Variants in DPH1 observed in about 807,000 individuals in gnomAD.
DPH1 encodes diphthamide biosynthesis 1.
Under a neutral mutation model 55.3 loss-of-function variants are expected in DPH1, and 59 were observed. That is an observed-to-expected ratio of 1.07 (90% CI 0.87 to 1.33). DPH1 has a LOEUF of 1.33. Ranked by LOEUF, DPH1 falls within the 40% of genes most tolerant of loss-of-function variation. The pLI, the probability that DPH1 is intolerant of heterozygous loss-of-function variation, is 0.00. For synonymous variants in DPH1, 238 were observed against 235.5 expected, an observed-to-expected ratio of 1.01 and a Z score of -0.10; for missense variants, 628 against 584.8, an observed-to-expected ratio of 1.07 and a Z score of -0.76.
chr17:2,042,506 T>C (rs2067559564), intron 12 of DPH1, 99 bp from the exon 13 acceptor site: 2 of 1,418,480 alleles, frequency 1.4e-6, no homozygotes, highest in East Asian at 2.5e-5. Flanking sequence ...GATTCCCTTT[T>C]TCTCTCTGTC....
Position 2,036,825 on chromosome 17 carries a change from A to G in DPH1, c.559-10A>G. On this transcript the variant is annotated splice_polypyrimidine_tract_variant and intron_variant, in intron 5 of 12. Coordinates refer to ENST00000263083, the MANE Select transcript of DPH1 (RefSeq NM_001383.6). The surrounding 1 kb of genome is among the most constrained non-coding windows in gnomAD (Gnocchi z 4.8). Reference sequence around the variant, plus strand: ...AGCCGCTGGCTTCACTTCCCTCGTCATTCCTACAGGCAGCCGCCCAGGAGC... The same window carrying G: ...AGCCGCTGGCTTCACTTCCCTCGTCGTTCCTACAGGCAGCCGCCCAGGAGC... 6.2e-6 allele frequency: 10 copies of G among 1,613,056 alleles called. No homozygotes were observed. The highest frequency in any genetic ancestry group is 8.5e-6 in the Non-Finnish European group (10 of 1,179,662).
intron 3 of DPH1, among the ~76,000 whole-genome samples, chr17:2,034,489 CTCCCCCTCCCCTTCTCCCCCA>C (rs1054608835): frequency 8.0e-6 from 1 of 125,208 alleles, no homozygotes; most frequent in African/African-American, 3.0e-5. Context: ...CTGCTCCTCC[CTCCCCCTCCCCTTCTCCCCCA>C]TCCCCCTCCC....
Position 2,042,771 on chromosome 17 carries a change from T to A in DPH1, c.*185T>A, listed in dbSNP as rs1192606709. 6.2e-7 allele frequency: 1 copy of A among 1,608,910 alleles called. No homozygotes were observed. On this transcript the variant is annotated 3_prime_UTR_variant, in exon 13 of 13. Transcript: ENST00000263083. Reference sequence around the variant, plus strand: ...TGGGGCCTTTTGACGGCCTTCTTGGTTTCAGCCAAGGGGCTGCGCTAGCAG... The same window carrying A: ...TGGGGCCTTTTGACGGCCTTCTTGGATTCAGCCAAGGGGCTGCGCTAGCAG...
At position 2,042,588 on chromosome 17, in the gene DPH1, TC is replaced by T; in HGVS notation, c.*19-15del. On this transcript the variant is annotated splice_polypyrimidine_tract_variant and intron_variant, in intron 12 of 12. Coordinates refer to ENST00000263083, the MANE Select transcript of DPH1 (RefSeq NM_001383.6). ...TCCCATGCCCTAATCCCATCCTTTTTCCTCATATCGCTGTAGGGTCCTGCCC... is the reference window on the plus strand; with the variant it reads ...TCCCATGCCCTAATCCCATCCTTTTTCTCATATCGCTGTAGGGTCCTGCCC... 2 of 1,508,652 alleles carry T rather than the reference TC, an allele frequency of 1.3e-6. No homozygotes were observed. Among genetic ancestry groups the T allele is most frequent in the Non-Finnish European group, 8.8e-7 (1 of 1,130,508 alleles). The allele number at this position is 1,508,652 out of a possible 1,614,324, so 93.5% of individuals were successfully genotyped here.
intron 12 of DPH1, chr17:2,042,250 C>T (rs372636580): frequency 3.4e-4 from 478 of 1,410,170 alleles, no homozygotes; most frequent in Non-Finnish European, 4.2e-4. Context: ...AGCCCCGCTC[C>T]GGAAACGCAC....
Position 2,030,184 on chromosome 17 carries a change from C to T in DPH1, c.15C>T (p.Val5=), listed in dbSNP as rs747238195. 1 of 1,602,984 alleles carries T rather than the reference C, an allele frequency of 6.2e-7. No homozygotes were observed. The highest frequency in any genetic ancestry group is 1.1e-5 in the South Asian group (1 of 88,764). MAAL[V]VSGAAEQGGR... ...GCAGGCAGGTGATGGCGGCGCTGGT[C>T]GTATCCGGGGCAGCGGAGCAGGGCG... The change falls in exon 1 of 13, where the codon GTC becomes GTT. Residue 5 remains valine (V), a synonymous_variant. Coordinates refer to ENST00000263083, the MANE Select transcript of DPH1 (RefSeq NM_001383.6).
At chr17:2,033,363 G>T (rs1392677508) in intron 1 of DPH1, 142 bp from the exon 2 acceptor site, 1 of 1,266,434 alleles carries the variant, frequency 7.9e-7, no homozygotes, top group Non-Finnish European at 1.1e-6. Context: ...AAGATGCCTG[G>T]GATTTTTCTT....
rs565657930 is a variant in DPH1, at chr17:2,036,180, T to G, written c.400+89T>G. The G allele has an allele frequency of 1.9e-6, 3 of 1,549,160 alleles. No homozygotes were observed. In the East Asian group the frequency reaches 7.0e-5, roughly 36 times the overall value. On this transcript the variant is annotated intron_variant, in intron 4 of 12. Transcript: ENST00000263083. The surrounding 1 kb of genome is among the most constrained non-coding windows in gnomAD (Gnocchi z 4.8). ...TCTTCCCCATGGCAGTGCCTTCTTG[T>G]CCTGCTTGGAGACACAAGGTCCCTC...
chr17:2,041,586 C>G lies in DPH1; in HGVS notation c.1192C>G (p.Arg398Gly). Residue 398 changes from arginine (R) to glycine (G), a missense_variant, in exon 11 of 13, where the codon CGT becomes GGT. By Grantham distance (125) the Arg-to-Gly change is moderately radical (BLOSUM62 -2). Coordinates refer to ENST00000263083, the MANE Select transcript of DPH1 (RefSeq NM_001383.6). Reference protein sequence around the residue: ...PWTVNHGQDRRPHAPGRPARG... With the variant: ...PWTVNHGQDRGPHAPGRPARG... ...GACGGTGAACCACGGCCAGGACCGC[C>G]GTCCCCACGCCCCGGGCCGGCCCGC... The G allele has an allele frequency of 6.2e-7, 1 of 1,609,852 alleles. No homozygotes were observed. Among genetic ancestry groups the G allele is most frequent in the Non-Finnish European group, 8.5e-7 (1 of 1,178,406 alleles).
At position 2,042,714 on chromosome 17, in the gene DPH1, A is replaced by G; in HGVS notation, c.*128A>G. 6.4e-7 allele frequency: 1 copy of G among 1,557,892 alleles called. No homozygotes were observed. Among genetic ancestry groups the G allele is most frequent in the Non-Finnish European group, 8.7e-7 (1 of 1,154,584 alleles). On this transcript the variant is annotated 3_prime_UTR_variant, in exon 13 of 13. Transcript: ENST00000263083. Reference sequence around the variant, plus strand: ...CCGTCTGCAGGGGCCTGGAGGAATCACTGGGGATGGTGGCACAGGCACTGA... The same window carrying G: ...CCGTCTGCAGGGGCCTGGAGGAATCGCTGGGGATGGTGGCACAGGCACTGA...
rs1271063014 is a variant in DPH1, at chr17:2,040,389, G to A, written c.906+15G>A. ...AGATCCTGGAGGTCAGTGGGCTCAG[G>A]ACAGCCTCTGGAGGAGGGAAGTGAC... is the stretch of plus-strand genomic sequence containing the variant. On this transcript the variant is annotated intron_variant, in intron 8 of 12. Coordinates refer to ENST00000263083, the MANE Select transcript of DPH1 (RefSeq NM_001383.6). 3.7e-6 allele frequency: 6 copies of A among 1,613,798 alleles called. No individual in the cohort carries two copies. Among genetic ancestry groups the A allele is most frequent in the South Asian group, 2.2e-5 (2 of 91,086 alleles).
In DPH1 at chr17:2,033,913, G is replaced by A. The variant is rs1425907876; in HGVS notation, c.278+71G>A. On this transcript the variant is annotated intron_variant, in intron 3 of 12. Coordinates refer to ENST00000263083, the MANE Select transcript of DPH1 (RefSeq NM_001383.6). ...ACCCCCTATGCTCATTACCCGGGTGGGTAAAGCCCTGGTGGCGGGCATTTT... is the reference window on the plus strand; with the variant it reads ...ACCCCCTATGCTCATTACCCGGGTGAGTAAAGCCCTGGTGGCGGGCATTTT... 8.2e-6 allele frequency: 13 copies of A among 1,580,618 alleles called. 1 individual carries two copies. The South Asian group carries it at 1.2e-4, about 15-fold the overall frequency.
chr17:2,037,054 G>A (rs2067438195), intron 6 of DPH1, 98 bp downstream of exon 6: 1 of 1,503,970 alleles, frequency 6.6e-7, no homozygotes, highest in Non-Finnish European at 8.9e-7. Context: ...CAAATCTAAT[G>A]CTCCTTACCT....
chr17:2,040,101 T>TA (rs2067491095), intron 7 of DPH1, 117 bp from the exon 8 acceptor site: 1 of 1,420,918 alleles, frequency 7.0e-7, no homozygotes, highest in South Asian at 1.3e-5. Flanking sequence ...CCTCTGTTCT[T>TA]AATTACCTGC....
In DPH1 at chr17:2,040,603, T is replaced by C; in HGVS notation, c.1005T>C (p.Asp335=). ...AGCTTAGCCTACTTCCTGAGGTGGA[T>C]GTGTGAGTATCTGCCTGGCTATGAC... ...PSKLSLLPEV[D]VWVQVACPRL... Residue 335 remains aspartate, a splice_region_variant and synonymous_variant, in exon 9 of 13, where the codon GAT becomes GAC. Coordinates refer to ENST00000263083, the MANE Select transcript of DPH1 (RefSeq NM_001383.6). 6.2e-7 allele frequency: 1 copy of C among 1,614,086 alleles called. No individual in the cohort carries two copies. Among genetic ancestry groups the C allele is most frequent in the Non-Finnish European group, 8.5e-7 (1 of 1,179,952 alleles).
intron 6 of DPH1, chr17:2,037,161 G>A: frequency 1.5e-6 from 1 of 668,988 alleles, no homozygotes; most frequent in South Asian, 2.7e-5. Context: ...CATCCAGAAG[G>A]CTGTGCAGGG....
At position 2,042,217 on chromosome 17, in the gene DPH1, C is replaced by T. The variant is rs770652391; in HGVS notation, c.*18+342C>T. 12 of 1,428,536 alleles carry T rather than the reference C, an allele frequency of 8.4e-6. No individual in the cohort carries two copies. In the South Asian group the frequency reaches 1.3e-4, roughly 16 times the overall value. The allele number at this position is 1,428,536 out of a possible 1,614,324, so 88.5% of individuals were successfully genotyped here. ...CCCGACCCCCCGGGCCCCGAGGGCG[C>T]CAGATCAGACTTCGGTGAGACAAGC... On this transcript the variant is annotated intron_variant, in intron 12 of 12. Transcript: ENST00000263083.
rs1485178224 is a variant in DPH1, at chr17:2,036,386, TCTGTGA to T, written c.401-141_401-136del. On this transcript the variant is annotated intron_variant, in intron 4 of 12. Coordinates refer to ENST00000263083, the MANE Select transcript of DPH1 (RefSeq NM_001383.6). This position sits in a 1 kb window ranked among gnomAD's most constrained non-coding sequence, Gnocchi z 4.8. ...TGATTGAGAAGGAGCTTCTAGGGGATCTGTGACCCCCCTCTTCTCCTACCCTGTCCT... is the reference window on the plus strand; with the variant it reads ...TGATTGAGAAGGAGCTTCTAGGGGATCCCCCCTCTTCTCCTACCCTGTCCT... 1 of 1,174,830 alleles carries T rather than the reference TCTGTGA, an allele frequency of 8.5e-7. No homozygotes were observed. Among genetic ancestry groups the T allele is most frequent in the East Asian group, 2.4e-5 (1 of 42,452 alleles). 72.8% of individuals were successfully genotyped at this position (1,174,830 alleles called of 1,614,324 possible).
chr17:2,042,902 C>A lies in DPH1; in HGVS notation c.*316C>A. ...CCCCGGGGCATTGGGTTCAAGGAAT[C>A]CATCCTGCAAAGGCCCTTGTCATTG... On this transcript the variant is annotated 3_prime_UTR_variant, in exon 13 of 13. Transcript: ENST00000263083. 1 of 1,614,198 alleles carries A rather than the reference C, an allele frequency of 6.2e-7. No homozygotes were observed. The highest frequency in any genetic ancestry group is 8.5e-7 in the Non-Finnish European group (1 of 1,180,050).
Sources: allele counts gnomAD v4.1 joint callset (sites outside exome capture counted in the v4.1 genomes callset), GRCh38; gene constraint gnomAD v4.1.1; non-coding constraint Gnocchi (gnomAD v3.1); transcripts MANE v1.5; gene names NCBI Gene and HGNC (gene_info 2026-07-23, HGNC 2026-07-21).